Variants in ITGA1 observed in about 807,000 individuals in gnomAD.
The protein encoded by ITGA1 is integrin alpha-1.
Under a neutral mutation model 145.9 loss-of-function variants are expected in ITGA1, and 85 were observed. That is an observed-to-expected ratio of 0.58 (90% CI 0.49 to 0.70). The LOEUF (loss-of-function observed/expected upper bound fraction) is 0.70. Among genes scored for constraint, ITGA1 ranks in the 30% least tolerant of loss-of-function variants. The pLI is 0.00. For synonymous variants in ITGA1, 520 were observed against 495.3 expected (o/e 1.05, Z -0.66); for missense variants, 1,351 against 1,418.7 (o/e 0.95, Z 0.77).
At chr5:52,842,134 A>C (rs1561224511) in intron 1 of ITGA1, among the ~76,000 whole-genome samples, 1 of 152,144 alleles carries the variant, frequency 6.6e-6, no homozygotes, top group Non-Finnish European at 1.5e-5. Flanking sequence ...GTAAATTTTC[A>C]TTAGAGTGAA....
intron 28 of ITGA1, among the ~76,000 whole-genome samples, chr5:52,952,055 T>C (rs1751228575): frequency 6.6e-6 from 1 of 152,008 alleles, no homozygotes; most frequent in African/African-American, 2.4e-5. Context: ...CTGGGCATGG[T>C]GGTGCATGCC....
chr5:52,952,842 G>A lies in ITGA1; in HGVS notation c.*391G>A, dbSNP rs1365236508. On this transcript the variant is annotated 3_prime_UTR_variant, in exon 29 of 29. Transcript: ENST00000282588. ...AATTAAGCTTTTCCCCTTGATTCCT[G>A]TTGGATATCCATGTTCAGCATGACA... 3 of 152,526 alleles carry A rather than the reference G, an allele frequency of 2.0e-5. No homozygotes were observed. The highest frequency in any genetic ancestry group is 1.5e-5 in the Non-Finnish European group (1 of 68,366). The allele number at this position is 152,526 out of a possible 1,614,324, so 9.4% of individuals were successfully genotyped here. A position where few individuals can be genotyped will look rare whatever the true frequency, so the allele number is the denominator to read the frequency against.
intron 28 of ITGA1, among the ~76,000 whole-genome samples, chr5:52,951,258 C>T (rs140945551): frequency 1.3e-5 from 2 of 152,290 alleles, no homozygotes; most frequent in East Asian, 3.9e-4. Flanking sequence ...ATTGCCTTTG[C>T]TCGATCTATT....
At chr5:52,840,425 C>T (rs1749235908) in intron 1 of ITGA1, among the ~76,000 whole-genome samples, 1 of 152,192 alleles carries the variant, frequency 6.6e-6, no homozygotes, top group Non-Finnish European at 1.5e-5. Flanking sequence ...GTGGCTTACA[C>T]AAACACACGA....
chr5:52,912,351 A>G (rs1044620379), intron 14 of ITGA1, among the ~76,000 whole-genome samples: 13 of 145,132 alleles, frequency 9.0e-5, no homozygotes, highest in Admixed American at 6.3e-4. Flanking sequence ...CAGTATATGT[A>G]TTATATATAG....
Position 52,800,971 on chromosome 5 carries a change from A to G in ITGA1, c.61+12557A>G, listed in dbSNP as rs771824545. ...GTTCTATGAACAGGTGGTCCAGGCT[A>G]TCCAGCGCCACATACACTTTGATGT... On this transcript the variant is annotated intron_variant, in intron 1 of 28. Transcript: ENST00000282588. The G allele has an allele frequency of 4.2e-5, 67 of 1,614,080 alleles. No individual in the cohort carries two copies. The highest frequency in any genetic ancestry group is 5.4e-5 in the Non-Finnish European group (64 of 1,180,036).
At position 52,823,451 on chromosome 5, in the gene ITGA1, C is replaced by T. The variant is rs75202198; in HGVS notation, c.62-25914C>T. Among the ~76,000 whole-genome samples the T allele has an allele frequency of 1.6e-4, 25 of 152,264 alleles. No individual in the cohort carries two copies. The East Asian group carries it at 4.6e-3, about 28-fold the overall frequency. ...AAACTCCTGGCCTTAAGTGATCCAC[C>T]CACCTCAGTCTCCCAAAGTGCTGGG... On this transcript the variant is annotated intron_variant, in intron 1 of 28. Coordinates refer to ENST00000282588, the MANE Select transcript of ITGA1 (RefSeq NM_181501.2).
chr5:52,831,706 G>A (rs1412490553), intron 1 of ITGA1, among the ~76,000 whole-genome samples: 2 of 151,830 alleles, frequency 1.3e-5, no homozygotes, highest in African/African-American at 4.8e-5. Context: ...TTTGAGGGCA[G>A]AGACAATATA....
chr5:52,931,520 T>C (rs923835), intron 21 of ITGA1: 151,708 of 152,290 alleles, frequency 1, 75,582 homozygotes, highest in Middle Eastern at 1. Context: ...TAAATCAGTG[T>C]TTAACAAACA....
At chr5:52,896,221 A>G (rs1008087468) in intron 9 of ITGA1, among the ~76,000 whole-genome samples, 3 of 152,184 alleles carry the variant, frequency 2.0e-5, no homozygotes, top group Admixed American at 2.0e-4. Context: ...TGCAGCAGGA[A>G]GAACATCACA....
chr5:52,897,315 G>A lies in ITGA1; in HGVS notation c.1091-140G>A, dbSNP rs73108322. On this transcript the variant is annotated intron_variant, in intron 9 of 28. Coordinates refer to ENST00000282588, the MANE Select transcript of ITGA1 (RefSeq NM_181501.2). ...ACCTAGAAATTTTGGGTTGAGAAAT[G>A]TATGGCTGAAAATGCCCTAAGATGT... 2,813 of 621,762 alleles carry A rather than the reference G, an allele frequency of 4.5e-3. 63 individuals carry two copies. The African/African-American group carries it at 0.048, about 11-fold the overall frequency. The allele number at this position is 621,762 out of a possible 1,614,324, so 38.5% of individuals were successfully genotyped here. A position where few individuals can be genotyped will look rare whatever the true frequency, so the allele number is the denominator to read the frequency against.
intron 4 of ITGA1, 55 bp from the exon 5 acceptor site, chr5:52,864,916 T>G: frequency 6.4e-7 from 1 of 1,557,880 alleles, no homozygotes; most frequent in South Asian, 1.1e-5. Context: ...CTTTGTAAGA[T>G]CTGTTATATA....
chr5:52,893,746 T>C lies in ITGA1; in HGVS notation c.996T>C (p.Ser332=). Reference sequence around the variant, plus strand: ...TGGAGGAAATAAAATCAATTGCAAGTGAACCCACTGAAAAGCATTTCTTCA... The same window carrying C: ...TGGAGGAAATAAAATCAATTGCAAGCGAACCCACTGAAAAGCATTTCTTCA... ...KFVEEIKSIA[S]EPTEKHFFNV... The change falls in exon 9 of 29, where the codon AGT becomes AGC. Residue 332 remains serine, a synonymous_variant. Transcript: ENST00000282588. 6.2e-7 allele frequency: 1 copy of C among 1,612,922 alleles called. No individual in the cohort carries two copies. The highest frequency in any genetic ancestry group is 2.2e-5 in the East Asian group (1 of 44,788).
At chr5:52,853,943 A>G (rs1749467183) in intron 2 of ITGA1, among the ~76,000 whole-genome samples, 1 of 152,190 alleles carries the variant, frequency 6.6e-6, no homozygotes. Flanking sequence ...GCCAGGTCTC[A>G]GCCGAACGGG....
chr5:52,816,632 T>C (rs1309009844), intron 1 of ITGA1, among the ~76,000 whole-genome samples: 1 of 152,076 alleles, frequency 6.6e-6, no homozygotes, highest in East Asian at 1.9e-4. Flanking sequence ...ATACCTCTCT[T>C]AGAGATTGGG....
At chr5:52,950,720 T>A (rs979203961) in intron 28 of ITGA1, among the ~76,000 whole-genome samples, 1 of 152,208 alleles carries the variant, frequency 6.6e-6, no homozygotes, top group African/African-American at 2.4e-5. Context: ...ACAGAAGTTA[T>A]TTTAAAATAG....
At position 52,939,464 on chromosome 5, in the gene ITGA1, T is replaced by TA; in HGVS notation, c.3079-125dup. ...AACAACCTTTCCCATACAGCACACT[T>TA]ACAAAGATGGATCTCTAATATATGG... On this transcript the variant is annotated intron_variant, in intron 24 of 28. Transcript: ENST00000282588. 11 of 657,372 alleles carry TA rather than the reference T, an allele frequency of 1.7e-5. No homozygotes were observed. The South Asian group carries it at 2.1e-4, about 13-fold the overall frequency. The allele number at this position is 657,372 out of a possible 1,614,324, so 40.7% of individuals were successfully genotyped here.
chr5:52,857,272 G>T (rs1749530008), intron 2 of ITGA1, among the ~76,000 whole-genome samples: 1 of 152,016 alleles, frequency 6.6e-6, no homozygotes, highest in Non-Finnish European at 1.5e-5. Context: ...CCTAGGGAAT[G>T]GTCGCTCTTC....
intron 2 of ITGA1, among the ~76,000 whole-genome samples, chr5:52,859,884 C>T (rs1008286505): frequency 9.9e-5 from 15 of 152,172 alleles, no homozygotes; most frequent in African/African-American, 3.6e-4. Context: ...ACTGCTTGAC[C>T]AGGGCATCTA....
Sources: allele counts gnomAD v4.1 joint callset (sites outside exome capture counted in the v4.1 genomes callset), GRCh38; gene constraint gnomAD v4.1.1; transcripts MANE v1.5; gene names NCBI Gene and HGNC (gene_info 2026-07-23, HGNC 2026-07-21).